Variants in CMTM4 observed in about 807,000 individuals in gnomAD.
CMTM4 encodes the protein CKLF like MARVEL transmembrane domain containing 4.
Under a neutral mutation model 19.0 loss-of-function variants are expected in CMTM4, and 8 were observed. That is an observed-to-expected ratio of 0.42 (90% CI 0.25 to 0.76). CMTM4 has a LOEUF of 0.76. Among genes scored for constraint, CMTM4 ranks in the 30% least tolerant of loss-of-function variants. CMTM4 has a pLI of 0.27. For missense variants in CMTM4, 228 were observed against 290.2 expected (o/e 0.79, Z 1.56); for synonymous variants, 106 against 121.1 (o/e 0.88, Z 0.82).
intron 2 of CMTM4, among the ~76,000 whole-genome samples, chr16:66,624,693 G>A (rs1332650531): frequency 1.2e-4 from 19 of 152,196 alleles, no homozygotes; most frequent in Admixed American, 2.0e-4. Flanking sequence ...CTTGAACCCG[G>A]GAGGCAGAGG....
intron 1 of CMTM4, among the ~76,000 whole-genome samples, chr16:66,663,936 A>G (rs2016546309): frequency 6.6e-6 from 1 of 152,178 alleles, no homozygotes; most frequent in South Asian, 2.1e-4. Flanking sequence ...ATTATTTTAT[A>G]TAAAGCTTAG....
intron 1 of CMTM4, among the ~76,000 whole-genome samples, chr16:66,678,228 A>G (rs895232491): frequency 6.6e-6 from 1 of 152,206 alleles, no homozygotes; most frequent in Non-Finnish European, 1.5e-5. Context: ...GAGAAAAATG[A>G]AAATCCAGAG....
chr16:66,678,790 T>C (rs764583976), intron 1 of CMTM4, among the ~76,000 whole-genome samples: 1 of 152,190 alleles, frequency 6.6e-6, no homozygotes, highest in Non-Finnish European at 1.5e-5. Context: ...TACATTTGTA[T>C]GAGTCATGAT....
intron 1 of CMTM4, among the ~76,000 whole-genome samples, chr16:66,662,845 C>A (rs926824274): frequency 6.6e-6 from 1 of 152,174 alleles, no homozygotes; most frequent in African/African-American, 2.4e-5. Flanking sequence ...TCTATAAACT[C>A]CTGTTTATAA....
the CMTM4 span, among the ~76,000 whole-genome samples, chr16:66,609,053 A>G: frequency 6.6e-6 from 1 of 152,194 alleles, no homozygotes; most frequent in African/African-American, 2.4e-5. This position sits in a 1 kb window ranked among gnomAD's most constrained non-coding sequence, Gnocchi z 4.4. Context: ...CCATGAATGG[A>G]TCGGCCACAA....
At chr16:66,636,326 A>G in intron 2 of CMTM4, 79 bp downstream of exon 2, 1 of 1,159,926 alleles carries the variant, frequency 8.6e-7, no homozygotes, top group South Asian at 1.5e-5. Flanking sequence ...ACCAAACATG[A>G]CCTGGAGAGA....
intron 1 of CMTM4, among the ~76,000 whole-genome samples, chr16:66,692,767 C>T (rs147931183): frequency 2.6e-5 from 4 of 152,010 alleles, no homozygotes; most frequent in African/African-American, 7.2e-5. Context: ...CTTAGCCGGG[C>T]GTGCTAGTGG....
chr16:66,599,732 T>C, the CMTM4 span, among the ~76,000 whole-genome samples: 1 of 152,194 alleles, frequency 6.6e-6, no homozygotes, highest in Admixed American at 6.5e-5. Flanking sequence ...AATTTAACCA[T>C]GTCTATCAGT....
chr16:66,637,802 C>T (rs1037210344), intron 1 of CMTM4, among the ~76,000 whole-genome samples: 2 of 152,194 alleles, frequency 1.3e-5, no homozygotes, highest in Admixed American at 6.5e-5. Context: ...AAGCCTATGC[C>T]GCTGCTTCCA....
chr16:66,680,477 TC>T (rs2016889491), intron 1 of CMTM4, among the ~76,000 whole-genome samples: 1 of 108,770 alleles, frequency 9.2e-6, no homozygotes. Context: ...AGACTCCATC[TC>T]AAAAAAAAAA....
intron 1 of CMTM4, among the ~76,000 whole-genome samples, chr16:66,643,760 A>C (rs570985898): frequency 2.6e-4 from 40 of 151,806 alleles, no homozygotes; most frequent in Non-Finnish European, 5.0e-4. Context: ...TTTTATTATT[A>C]TTATTATTTT....
Position 66,636,589 on chromosome 16 carries a change from G to A in CMTM4, c.187-8C>T. On this transcript the variant is annotated splice_polypyrimidine_tract_variant and splice_region_variant and intron_variant, in intron 1 of 3. Transcript: ENST00000394106. ...TGCAATCAGGGCCAAGATCTAGGAA[G>A]AAAATTGGAAACATATATGTACGTA... 6.2e-7 allele frequency: 1 copy of A among 1,612,260 alleles called. No individual in the cohort carries two copies. Among genetic ancestry groups the A allele is most frequent in the Non-Finnish European group, 8.5e-7 (1 of 1,178,432 alleles).
the CMTM4 span, among the ~76,000 whole-genome samples, chr16:66,600,136 G>GTGGTTTTTTTTTTTTTT: frequency 7.4e-6 from 1 of 135,154 alleles, no homozygotes. Context: ...GTGTGTGTGT[G>GTGGTTTTTTTTTTTTTT]TTTTTTTTTG....
intron 2 of CMTM4, among the ~76,000 whole-genome samples, chr16:66,630,147 T>C (rs891506722): frequency 6.6e-6 from 1 of 151,838 alleles, no homozygotes; most frequent in African/African-American, 2.4e-5. Flanking sequence ...CCCTCGTCTG[T>C]GGGATCTGTG....
chr16:66,659,676 T>A (rs554655610), intron 1 of CMTM4, among the ~76,000 whole-genome samples: 4 of 152,356 alleles, frequency 2.6e-5, no homozygotes, highest in Non-Finnish European at 5.9e-5. Flanking sequence ...ATATTGTGGA[T>A]GTGTCATTTA....
intron 1 of CMTM4, among the ~76,000 whole-genome samples, chr16:66,691,447 T>C (rs2017132883): frequency 6.6e-6 from 1 of 152,218 alleles, no homozygotes; most frequent in Non-Finnish European, 1.5e-5. Context: ...ATGCCTGTAA[T>C]CTCAGCACTT....
chr16:66,610,964 G>A (rs1490768570), downstream of CMTM4: 3 of 398,308 alleles, frequency 7.5e-6, no homozygotes, highest in Non-Finnish European at 1.3e-5. This position sits in a 1 kb window ranked among gnomAD's most constrained non-coding sequence, Gnocchi z 4.6. Context: ...GCTCCCAGGC[G>A]GTTTCCTCAG....
chr16:66,610,198 C>A, downstream of CMTM4: 1 of 688,646 alleles, frequency 1.5e-6, no homozygotes, highest in Non-Finnish European at 2.4e-6. This position sits in a 1 kb window ranked among gnomAD's most constrained non-coding sequence, Gnocchi z 4.6. Flanking sequence ...TGCACCCTCA[C>A]CCCAGCCTTT....
At chr16:66,635,818 TCTAGGA>T (rs2015981528) in intron 2 of CMTM4, among the ~76,000 whole-genome samples, 1 of 152,006 alleles carries the variant, frequency 6.6e-6, no homozygotes, top group South Asian at 2.1e-4. Context: ...GGAAAGGGGG[TCTAGGA>T]CTGACCAGCC....
Sources: gnomAD v4.1 joint callset for allele counts (sites outside exome capture counted in the v4.1 genomes callset) on GRCh38, gnomAD v4.1.1 for gene constraint, Gnocchi (gnomAD v3.1) non-coding constraint, MANE v1.5 for transcripts, NCBI Gene and HGNC (gene_info 2026-07-23, HGNC 2026-07-21) for gene names.